Variants in TSGA10 observed in about 807,000 individuals in gnomAD.
TSGA10 encodes the protein testis specific 10.
Under a neutral mutation model 96.6 loss-of-function variants are expected in TSGA10, and 43 were observed. That is an observed-to-expected ratio of 0.44 (90% CI 0.35 to 0.57). The LOEUF is 0.57. Ranked by LOEUF, TSGA10 falls within the 20% of genes least tolerant of loss-of-function variation. The pLI is 0.01. For synonymous variants in TSGA10, 229 were observed against 269.9 expected (o/e 0.85, Z 1.48); for missense variants, 703 against 834.4 (o/e 0.84, Z 1.94).
At chr2:99,090,954 C>T (rs918378831) in intron 10 of TSGA10, among the ~76,000 whole-genome samples, 9 of 152,140 alleles carry the variant, frequency 5.9e-5, no homozygotes, top group African/African-American at 2.2e-4. Context: ...AAAAGATCAT[C>T]ACCTAGGCAC....
intron 10 of TSGA10, among the ~76,000 whole-genome samples, chr2:99,089,477 TGCTTTC>T (rs2089006048): frequency 6.6e-6 from 1 of 152,188 alleles, no homozygotes; most frequent in African/African-American, 2.4e-5. Context: ...AAGCCCTGCT[TGCTTTC>T]TCAGCTGGGA....
intron 18 of TSGA10, among the ~76,000 whole-genome samples, chr2:99,018,977 G>A (rs1049610786): frequency 2.6e-5 from 4 of 152,154 alleles, no homozygotes; most frequent in Non-Finnish European, 5.9e-5. Context: ...ATTCTATAAA[G>A]TAGTGGTATG....
At chr2:99,102,663 G>T in intron 10 of TSGA10, 1 of 1,613,936 alleles carries the variant, frequency 6.2e-7, no homozygotes, top group South Asian at 1.1e-5. Context: ...ATTCTATGGT[G>T]TAAAGTTCAG....
intron 20 of TSGA10, among the ~76,000 whole-genome samples, chr2:99,005,444 T>C (rs1163020410): frequency 6.6e-6 from 1 of 152,130 alleles, no homozygotes; most frequent in Non-Finnish European, 1.5e-5. Context: ...TTCAGCAAAG[T>C]CTCAGGATAC....
chr2:99,061,922 T>G (rs1015960657), intron 16 of TSGA10, among the ~76,000 whole-genome samples: 1 of 152,166 alleles, frequency 6.6e-6, no homozygotes, highest in African/African-American at 2.4e-5. Context: ...AGGATGTGCA[T>G]GCACAGAAGA....
chr2:99,023,583 G>A (rs1428022801), intron 17 of TSGA10, among the ~76,000 whole-genome samples: 1 of 152,130 alleles, frequency 6.6e-6, no homozygotes, highest in Non-Finnish European at 1.5e-5. Flanking sequence ...ATCTTTGCAT[G>A]TGATCCAACT....
chr2:99,133,031 AGTGTGAT>A (rs1383074253), intron 1 of TSGA10, among the ~76,000 whole-genome samples: 2 of 152,162 alleles, frequency 1.3e-5, no homozygotes, highest in African/African-American at 4.8e-5. Context: ...TTTTAGAATA[AGTGTGAT>A]GTGTTGCTGA....
In TSGA10 at chr2:98,997,802, AAC is replaced by A. The variant is rs2077581420; in HGVS notation, c.*393_*394del. On this transcript the variant is annotated 3_prime_UTR_variant, in exon 21 of 21. Transcript: ENST00000393483. ...TTGGCACAGATTTTCCAGCCATGAA[AAC>A]ACAAATCACAAAGAAAAAAAATTAA... The A allele has an allele frequency of 6.4e-6, 1 of 157,296 alleles. No homozygotes were observed. The highest frequency in any genetic ancestry group is 1.4e-5 in the Non-Finnish European group (1 of 71,530). The allele number at this position is 157,296 out of a possible 1,614,324, so 9.7% of individuals were successfully genotyped here. A position where few individuals can be genotyped will look rare whatever the true frequency, so the allele number is the denominator to read the frequency against.
At chr2:99,120,742 A>G (rs1053969908) in intron 2 of TSGA10, among the ~76,000 whole-genome samples, 1 of 152,188 alleles carries the variant, frequency 6.6e-6, no homozygotes, top group African/African-American at 2.4e-5. Context: ...GGTGTTCTAT[A>G]TGATTTTTCT....
intron 16 of TSGA10, among the ~76,000 whole-genome samples, chr2:99,050,940 AT>A (rs112498000): frequency 1.6e-4 from 25 of 152,248 alleles, no homozygotes; most frequent in African/African-American, 5.3e-4. Flanking sequence ...CACAAATACT[AT>A]TGTATTACTA....
intron 10 of TSGA10, among the ~76,000 whole-genome samples, 160 bp from the exon 11 acceptor site, chr2:99,081,557 A>C (rs2087508391): frequency 1.3e-5 from 2 of 152,200 alleles, no homozygotes; most frequent in Non-Finnish European, 2.9e-5. Flanking sequence ...GAAGTTTAAA[A>C]AATAAAGGGT....
intron 20 of TSGA10, among the ~76,000 whole-genome samples, chr2:99,005,109 C>T (rs1480003801): frequency 6.6e-6 from 1 of 152,200 alleles, no homozygotes; most frequent in African/African-American, 2.4e-5. Flanking sequence ...ATGCTAAAAA[C>T]TCTCAATAAA....
intron 10 of TSGA10, among the ~76,000 whole-genome samples, chr2:99,096,346 T>C (rs1221964508): frequency 6.6e-6 from 1 of 152,246 alleles, no homozygotes; most frequent in Non-Finnish European, 1.5e-5. Flanking sequence ...CTTCCGTGTT[T>C]TACCCTTTAT....
rs78751258 is a variant in TSGA10 at position 99,126,233 on chromosome 2, T to C, written c.-492+815A>G. Reference sequence around the variant, plus strand: ...GCCTGAGCTGGCAGGAATGGGGCTGTAGTTTTTTCTGTGGTATTTGCTTGG... The same window carrying C: ...GCCTGAGCTGGCAGGAATGGGGCTGCAGTTTTTTCTGTGGTATTTGCTTGG... On this transcript the variant is annotated intron_variant, in intron 2 of 20. Transcript: ENST00000393483. 2.7e-3 allele frequency: 413 copies of C among 152,528 alleles called. 2 individuals carry two copies. Among genetic ancestry groups the C allele is most frequent in the Non-Finnish European group, 5.1e-3 (345 of 68,188 alleles). The allele number at this position is 152,528 out of a possible 1,614,324, so 9.4% of individuals were successfully genotyped here.
chr2:99,025,263 A>G (rs1461428522), intron 17 of TSGA10, among the ~76,000 whole-genome samples: 2 of 152,244 alleles, frequency 1.3e-5, no homozygotes, highest in Non-Finnish European at 2.9e-5. Context: ...GGGCCTCAGT[A>G]TTACTTTATG....
chr2:99,150,208 G>C (rs986602894), intron 1 of TSGA10, among the ~76,000 whole-genome samples: 2 of 152,116 alleles, frequency 1.3e-5, no homozygotes, highest in Non-Finnish European at 2.9e-5. Context: ...AAGAGGTTTC[G>C]CTAGCAAGAA....
At chr2:99,077,719 G>A (rs991989538) in intron 12 of TSGA10, among the ~76,000 whole-genome samples, 1 of 151,784 alleles carries the variant, frequency 6.6e-6, no homozygotes, top group Non-Finnish European at 1.5e-5. Context: ...CCGCCACCAC[G>A]CCCAGCTAAT....
chr2:99,127,304 G>A (rs1574592690), intron 1 of TSGA10, 128 bp from the exon 2 acceptor site: 1 of 766,300 alleles, frequency 1.3e-6, no homozygotes, highest in East Asian at 8.4e-5. Context: ...CACCAGCTAA[G>A]AGGATTTCAT....
chr2:99,082,372 C>G (rs2087634545), intron 10 of TSGA10, among the ~76,000 whole-genome samples: 1 of 152,048 alleles, frequency 6.6e-6, no homozygotes, highest in African/African-American at 2.4e-5. Flanking sequence ...TGCATTTGAG[C>G]TCCCCTCCCC....
Sources: allele counts gnomAD v4.1 joint callset (sites outside exome capture counted in the v4.1 genomes callset), GRCh38; gene constraint gnomAD v4.1.1; transcripts MANE v1.5; gene names NCBI Gene and HGNC (gene_info 2026-07-23, HGNC 2026-07-21).